Variants in PLEKHA5 observed in about 807,000 individuals in gnomAD.
The protein encoded by PLEKHA5 is pleckstrin homology domain containing A5, also known as pleckstrin homology domain-containing family A member 5.
PLEKHA5 carries 55 observed loss-of-function variants against 181.9 expected under a neutral mutation model. That is an observed-to-expected ratio of 0.30 (90% CI 0.24 to 0.38). The LOEUF is 0.38. Among genes scored for constraint, PLEKHA5 ranks in the 10% least tolerant of loss-of-function variants. The probability of loss-of-function intolerance (pLI) is 1.00; values close to 1 mark genes in which losing one functional copy is unlikely to be tolerated. For synonymous variants in PLEKHA5, 535 were observed against 529.4 expected, an observed-to-expected ratio of 1.01 and a Z score of -0.15; for missense variants, 1,432 against 1,549.5, an observed-to-expected ratio of 0.92 and a Z score of 1.27.
At chr12:19,191,895 A>G (rs2051227047) in intron 3 of PLEKHA5, among the ~76,000 whole-genome samples, 1 of 152,178 alleles carries the variant, frequency 6.6e-6, no homozygotes, top group Non-Finnish European at 1.5e-5. Flanking sequence ...CTAAGAGAGT[A>G]AGGTAGAAGC....
intron 3 of PLEKHA5, among the ~76,000 whole-genome samples, chr12:19,233,671 A>G (rs1031010190): frequency 2.6e-5 from 4 of 152,214 alleles, no homozygotes; most frequent in Non-Finnish European, 5.9e-5. Context: ...GTAAAGTAAC[A>G]TAAGGGCTGA....
chr12:19,323,155 A>G (rs1455660729), intron 20 of PLEKHA5, among the ~76,000 whole-genome samples: 1 of 151,152 alleles, frequency 6.6e-6, no homozygotes, highest in Admixed American at 6.6e-5. Flanking sequence ...AAGCCACCAC[A>G]CCCAGCCAAA....
At chr12:19,174,819 T>C (rs1034422709) in intron 3 of PLEKHA5, among the ~76,000 whole-genome samples, 1 of 152,210 alleles carries the variant, frequency 6.6e-6, no homozygotes, top group Admixed American at 6.5e-5. Flanking sequence ...TATGTAAACA[T>C]AAATCTCCAT....
At chr12:19,199,998 A>G (rs2053813493) in intron 3 of PLEKHA5, among the ~76,000 whole-genome samples, 1 of 152,140 alleles carries the variant, frequency 6.6e-6, no homozygotes. Context: ...GGGGAGCTGG[A>G]GAAAGGTTGG....
At chr12:19,206,956 G>T (rs1292614381) in intron 3 of PLEKHA5, among the ~76,000 whole-genome samples, 1 of 152,084 alleles carries the variant, frequency 6.6e-6, no homozygotes, top group Non-Finnish European at 1.5e-5. Context: ...TTCACAGACT[G>T]TGACAAAGAT....
At chr12:19,201,390 GAAATATA>G (rs1431999649) in intron 3 of PLEKHA5, 1 of 152,050 alleles carries the variant, frequency 6.6e-6, no homozygotes, top group African/African-American at 2.4e-5. Flanking sequence ...ACTAGTAATA[GAAATATA>G]AAATGTTAGA....
chr12:19,294,761 C>G (rs924771797), intron 15 of PLEKHA5, among the ~76,000 whole-genome samples: 30 of 152,012 alleles, frequency 2.0e-4, no homozygotes, highest in African/African-American at 7.2e-4. Flanking sequence ...TGTTTAATAA[C>G]AAATAAAAAA....
chr12:19,251,948 T>C (rs1422375563), intron 3 of PLEKHA5, among the ~76,000 whole-genome samples: 3 of 152,130 alleles, frequency 2.0e-5, no homozygotes, highest in African/African-American at 7.2e-5. Flanking sequence ...GACCTAACAG[T>C]GAGCCAGCTA....
chr12:19,333,296 A>C (rs1476613826), intron 20 of PLEKHA5, among the ~76,000 whole-genome samples: 1 of 151,546 alleles, frequency 6.6e-6, no homozygotes, highest in East Asian at 2.0e-4. Flanking sequence ...AAAAAAAAGA[A>C]GGCCAGCCGC....
chr12:19,255,477 T>C (rs918652415), intron 5 of PLEKHA5, among the ~76,000 whole-genome samples: 4 of 151,956 alleles, frequency 2.6e-5, no homozygotes, highest in Admixed American at 1.3e-4. Context: ...ATAAGAATGC[T>C]TAGATGGAGA....
rs371543753 is a variant in PLEKHA5 at position 19,255,241 on chromosome 12, A to G, written c.432+76A>G. The stretch of plus-strand genomic sequence containing the variant: ...ATACCGTTACTCATAATGGACTTAA[A>G]AGTATAGAATAATAATTACATTTTT... On this transcript the variant is annotated intron_variant, in intron 5 of 31. Coordinates refer to ENST00000429027, the MANE Select transcript of PLEKHA5 (RefSeq NM_001256470.2). The G allele has an allele frequency of 2.3e-5, 19 of 844,408 alleles. 1 individual carries two copies. The South Asian group carries it at 3.8e-4, about 17-fold the overall frequency. The allele number at this position is 844,408 out of a possible 1,614,324, so 52.3% of individuals were successfully genotyped here.
At chr12:19,276,942 A>G (rs545513569) in intron 11 of PLEKHA5, among the ~76,000 whole-genome samples, 405 of 152,342 alleles carry the variant, frequency 2.7e-3, no homozygotes, top group African/African-American at 9.2e-3. Context: ...ACCAGTAATC[A>G]GGGAATTGCA....
chr12:19,260,894 C>A, intron 6 of PLEKHA5, 55 bp from the exon 7 acceptor site: 1 of 980,196 alleles, frequency 1.0e-6, no homozygotes, highest in Non-Finnish European at 1.5e-6. Flanking sequence ...AATAAATGCA[C>A]ATGTGAGTTT....
At chr12:19,340,974 A>G (rs1365371175) in intron 21 of PLEKHA5, among the ~76,000 whole-genome samples, 2 of 151,244 alleles carry the variant, frequency 1.3e-5, no homozygotes, top group Non-Finnish European at 2.9e-5. Flanking sequence ...AAAGAAAAGA[A>G]AAATAGTTCA....
chr12:19,218,033 A>G (rs2058278644), intron 3 of PLEKHA5, among the ~76,000 whole-genome samples: 1 of 152,220 alleles, frequency 6.6e-6, no homozygotes, highest in Non-Finnish European at 1.5e-5. Flanking sequence ...AGATTGTTGG[A>G]TACCATCTTG....
chr12:19,220,634 C>G (rs2058802236), intron 3 of PLEKHA5, among the ~76,000 whole-genome samples: 1 of 152,074 alleles, frequency 6.6e-6, no homozygotes, highest in African/African-American at 2.4e-5. Context: ...TGGGTTGATT[C>G]CATTTTTTGT....
At position 19,199,024 on chromosome 12, in the gene PLEKHA5, T is replaced by C. The variant is rs568186150; in HGVS notation, c.228-54916T>C. On this transcript the variant is annotated intron_variant, in intron 3 of 31. Transcript: ENST00000429027. ...AGACAGCTTGAATGCCAAAATAATG[T>C]ATAATTAGGTCTATTCATTATCTTG... Among the ~76,000 whole-genome samples the C allele has an allele frequency of 3.9e-5, 6 of 152,296 alleles. No homozygotes were observed. The South Asian group carries it at 1.2e-3, about 32-fold the overall frequency.
chr12:19,375,121 C>T (rs1361465638), intron 31 of PLEKHA5, among the ~76,000 whole-genome samples: 3 of 149,818 alleles, frequency 2.0e-5, no homozygotes, highest in Non-Finnish European at 3.0e-5. Context: ...GCCAGGGGTT[C>T]GAGACCAGCC....
At chr12:19,284,767 T>TC (rs989061430) in intron 12 of PLEKHA5, among the ~76,000 whole-genome samples, 21 of 152,260 alleles carry the variant, frequency 1.4e-4, no homozygotes, top group African/African-American at 4.6e-4. Context: ...GCTTTTTTTT[T>TC]CATACTGAAG....
Sources: gnomAD v4.1 joint callset for allele counts (sites outside exome capture counted in the v4.1 genomes callset) on GRCh38, gnomAD v4.1.1 for gene constraint, MANE v1.5 for transcripts, NCBI Gene and HGNC (gene_info 2026-07-23, HGNC 2026-07-21) for gene names.